Variants in KCNIP1 observed in about 807,000 individuals in gnomAD.
KCNIP1 encodes the protein potassium voltage-gated channel interacting protein 1, also known as A-type potassium channel modulatory protein KCNIP1.
Under a neutral mutation model 33.0 loss-of-function variants are expected in KCNIP1, and 18 were observed. The observed-to-expected ratio is 0.55, with a 90% CI of 0.38 to 0.81. The LOEUF (loss-of-function observed/expected upper bound fraction) is 0.81, where lower values mean the gene tolerates loss of function less well. Ranked by LOEUF, KCNIP1 falls within the 30% of genes least tolerant of loss-of-function variation. The probability of loss-of-function intolerance (pLI) is 0.00; values close to 1 mark genes in which losing one functional copy is unlikely to be tolerated. For missense variants in KCNIP1, 238 were observed against 271.6 expected, an observed-to-expected ratio of 0.88 and a Z score of 0.87; for synonymous variants, 93 against 98.3, an observed-to-expected ratio of 0.95 and a Z score of 0.32.
chr5:170,597,573 G>C (rs1215170467), intron 1 of KCNIP1, among the ~76,000 whole-genome samples: 2 of 151,902 alleles, frequency 1.3e-5, no homozygotes, highest in African/African-American at 4.8e-5. Flanking sequence ...GCCCATAAAG[G>C]GGTCATGAAT....
At chr5:170,446,694 G>A (rs542282829) in intron 1 of KCNIP1, among the ~76,000 whole-genome samples, 3 of 151,900 alleles carry the variant, frequency 2.0e-5, no homozygotes, top group Non-Finnish European at 2.9e-5. Flanking sequence ...CTCCTGCCTC[G>A]GCCTCCCAAA....
intron 1 of KCNIP1, among the ~76,000 whole-genome samples, chr5:170,645,809 A>G (rs141511665): frequency 6.6e-6 from 1 of 152,352 alleles, no homozygotes; most frequent in African/African-American, 2.4e-5. Context: ...AAAATCAATA[A>G]CAAGGAGATA....
intron 1 of KCNIP1, among the ~76,000 whole-genome samples, chr5:170,361,045 C>T (rs1361890591): frequency 6.6e-6 from 1 of 152,168 alleles, no homozygotes; most frequent in African/African-American, 2.4e-5. Flanking sequence ...CAAACAAGAC[C>T]AAAGGCCTGT....
intron 1 of KCNIP1, among the ~76,000 whole-genome samples, chr5:170,684,929 A>T (rs890056299): frequency 6.6e-6 from 1 of 150,862 alleles, no homozygotes; most frequent in African/African-American, 2.4e-5. Flanking sequence ...TCTTGGAAAT[A>T]TCAGAAGACA....
rs553758987 is a variant in KCNIP1 at position 170,466,239 on chromosome 5, G to A, written c.88+112275G>A. On this transcript the variant is annotated intron_variant, in intron 1 of 7. Transcript: ENST00000377360. ...AATCTGGCTTGCAAACAGAATGAAC[G>A]GTGGTGTCATTCACTGAGAAAGGAC... Among the ~76,000 whole-genome samples the A allele has an allele frequency of 7.2e-5, 11 of 152,276 alleles. No individual in the cohort carries two copies. The East Asian group carries it at 1.4e-3, about 19-fold the overall frequency.
intron 1 of KCNIP1, among the ~76,000 whole-genome samples, chr5:170,434,706 G>A (rs535350191): frequency 6.6e-6 from 1 of 152,320 alleles, no homozygotes; most frequent in Admixed American, 6.5e-5. Context: ...TGTAATCCCA[G>A]CACTTTGGGA....
At chr5:170,618,955 G>A (rs777700983) in intron 1 of KCNIP1, among the ~76,000 whole-genome samples, 13 of 152,088 alleles carry the variant, frequency 8.5e-5, no homozygotes, top group Non-Finnish European at 1.3e-4. Flanking sequence ...CTAGATCTGG[G>A]GACCCTCCCA....
At chr5:170,419,863 A>G (rs896079289) in intron 1 of KCNIP1, among the ~76,000 whole-genome samples, 1 of 152,154 alleles carries the variant, frequency 6.6e-6, no homozygotes, top group East Asian at 1.9e-4. Context: ...CCAACACTTA[A>G]AGTGATTAAG....
chr5:170,679,723 G>GTT (rs33955018), intron 1 of KCNIP1, among the ~76,000 whole-genome samples: 2 of 144,162 alleles, frequency 1.4e-5, no homozygotes, highest in Non-Finnish European at 3.1e-5. Flanking sequence ...AACTTAGGGT[G>GTT]TTTTTTTTTT....
At chr5:170,539,348 T>C (rs537522822) in intron 1 of KCNIP1, among the ~76,000 whole-genome samples, 1 of 152,274 alleles carries the variant, frequency 6.6e-6, no homozygotes, top group Admixed American at 6.5e-5. Flanking sequence ...AACCACAGAC[T>C]TCAAGGCCGC....
intron 1 of KCNIP1, among the ~76,000 whole-genome samples, chr5:170,391,681 A>C (rs990236526): frequency 3.9e-5 from 6 of 152,138 alleles, no homozygotes; most frequent in African/African-American, 1.4e-4. Context: ...TGAGGTGGAG[A>C]TTTTTCTACC....
chr5:170,564,918 CTG>C (rs1757154690), intron 1 of KCNIP1, among the ~76,000 whole-genome samples: 1 of 151,870 alleles, frequency 6.6e-6, no homozygotes, highest in African/African-American at 2.4e-5. Context: ...CTCAGTGAGA[CTG>C]AGAGATTTGT....
At chr5:170,681,137 G>A (rs1179045078) in intron 1 of KCNIP1, 8 of 399,094 alleles carry the variant, frequency 2.0e-5, no homozygotes, top group Non-Finnish European at 3.1e-5. Flanking sequence ...GCTCCTCCCT[G>A]AAACTTTTGC....
intron 1 of KCNIP1, among the ~76,000 whole-genome samples, chr5:170,607,442 G>T (rs1169411228): frequency 6.6e-6 from 1 of 152,154 alleles, no homozygotes; most frequent in Non-Finnish European, 1.5e-5. Context: ...ACCCAGGGCT[G>T]GGGGCCTTTC....
intron 1 of KCNIP1, among the ~76,000 whole-genome samples, chr5:170,551,749 G>A (rs1052750751): frequency 2.2e-4 from 33 of 151,772 alleles, no homozygotes; most frequent in Non-Finnish European, 2.8e-4. Flanking sequence ...GTGTATATGC[G>A]TGTGTGTGTA....
At chr5:170,594,691 A>AT (rs1727957031) in intron 1 of KCNIP1, among the ~76,000 whole-genome samples, 1 of 152,066 alleles carries the variant, frequency 6.6e-6, no homozygotes, top group African/African-American at 2.4e-5. Flanking sequence ...TTGTATTTTT[A>AT]GTAGAGATGG....
intron 1 of KCNIP1, among the ~76,000 whole-genome samples, chr5:170,518,218 T>A (rs1345900599): frequency 6.6e-5 from 10 of 152,106 alleles, no homozygotes; most frequent in Non-Finnish European, 1.0e-4. Flanking sequence ...ATAGTGGTAG[T>A]GGTGTCAACA....
chr5:170,409,700 ACAGCAG>A (rs1381164495), intron 1 of KCNIP1, among the ~76,000 whole-genome samples: 2 of 152,146 alleles, frequency 1.3e-5, no homozygotes, highest in African/African-American at 2.4e-5. Context: ...AATTCCACCG[ACAGCAG>A]GGTGTCTTAT....
chr5:170,416,406 C>CGGAA (rs1755331186), intron 1 of KCNIP1, among the ~76,000 whole-genome samples: 1 of 152,134 alleles, frequency 6.6e-6, no homozygotes, highest in South Asian at 2.1e-4. Context: ...CGGCTCCTCC[C>CGGAA]GGAAGTCAGC....
Sources: gnomAD v4.1 joint callset for allele counts (sites outside exome capture counted in the v4.1 genomes callset) on GRCh38, gnomAD v4.1.1 for gene constraint, MANE v1.5 for transcripts, NCBI Gene and HGNC (gene_info 2026-07-23, HGNC 2026-07-21) for gene names.